TCF25: variants seen among roughly 807,000 people sequenced by gnomAD.
TCF25 encodes TCF25 ribosome quality control complex subunit.
A neutral mutation model predicts 83.1 loss-of-function variants in TCF25; 41 were observed. The observed-to-expected ratio is 0.49, with a 90% confidence interval of 0.38 to 0.64. The LOEUF is 0.64. Among genes scored for constraint, TCF25 ranks in the 30% least tolerant of loss-of-function variants. The pLI, the probability that TCF25 is intolerant of heterozygous loss-of-function variation, is 0.00. For synonymous variants in TCF25, 458 were observed against 365.0 expected (o/e 1.25, Z -2.90); for missense variants, 979 against 914.5 (o/e 1.07, Z -0.91).
Position 89,883,445 on chromosome 16 carries a change from G to C in TCF25, c.287G>C (p.Arg96Thr). The C allele has an allele frequency of 6.2e-7, 1 of 1,614,060 alleles. No individual in the cohort carries two copies. Among genetic ancestry groups the C allele is most frequent in the Non-Finnish European group, 8.5e-7 (1 of 1,180,016 alleles). The change falls in exon 2 of 18, where the codon AGG (arginine) becomes ACG (threonine). Residue 96 changes from arginine to threonine, a missense_variant. Coordinates refer to ENST00000263346, the MANE Select transcript of TCF25 (RefSeq NM_014972.3). ...GCTGTGGCACCAGGGAACAAAGGAA[G>C]GGGTCAGCGTGGAAACACAGAGAGC... is the stretch of plus-strand genomic sequence containing the variant. ...TDAVAPGNKG[R>T]GQRGNTESKT...
intron 1 of TCF25, among the ~76,000 whole-genome samples, chr16:89,881,105 C>T (rs902520372): frequency 1.3e-4 from 20 of 152,168 alleles, no homozygotes; most frequent in Non-Finnish European, 2.1e-4. Flanking sequence ...TCTCAGCGGG[C>T]GTTTAAGATG....
Position 89,904,517 on chromosome 16 carries a change from G to T in TCF25, c.1469+312G>T, listed in dbSNP as rs1597373495. 12 of 499,816 alleles carry T rather than the reference G, an allele frequency of 2.4e-5. No individual in the cohort carries two copies. In the East Asian group the frequency reaches 4.4e-4, roughly 18 times the overall value. 31.0% of individuals were successfully genotyped at this position (499,816 alleles called of 1,614,324 possible). Reference sequence around the variant, plus strand: ...CCGGCTTGTGCCTGGGAGGTCAAAGGTACAGTGAGCTGTGTTTGTGCTGCT... The same window carrying T: ...CCGGCTTGTGCCTGGGAGGTCAAAGTTACAGTGAGCTGTGTTTGTGCTGCT... On this transcript the variant is annotated intron_variant, in intron 13 of 17. Coordinates refer to ENST00000263346, the MANE Select transcript of TCF25 (RefSeq NM_014972.3).
chr16:89,910,635 G>T lies in TCF25; in HGVS notation c.1844G>T (p.Arg615Leu), dbSNP rs139941545. 3.1e-6 allele frequency: 5 copies of T among 1,613,584 alleles called. No individual in the cohort carries two copies. The change falls in exon 17 of 18, where the codon CGG becomes CTG. Residue 615 changes from arginine to leucine, a missense_variant. Physicochemically the swap from Arg to Leu is moderately radical, Grantham distance 102. Transcript: ENST00000263346. ...GGAAACACCATTGCTCTCTTCTTCC[G>T]GTCACTGTTGCCAAACTATACCATG... ...SHGNTIALFFRSLLPNYTMEG... is the reference protein window; with the variant it reads ...SHGNTIALFFLSLLPNYTMEG...
intron 11 of TCF25, among the ~76,000 whole-genome samples, chr16:89,899,248 G>A (rs1439437646): frequency 6.6e-6 from 1 of 152,182 alleles, no homozygotes; most frequent in Non-Finnish European, 1.5e-5. Context: ...GGTTGGTTGC[G>A]TGGGGCTGAC....
intron 12 of TCF25, 34 bp from the exon 13 acceptor site, chr16:89,904,084 G>C: frequency 6.3e-7 from 1 of 1,586,114 alleles, no homozygotes; most frequent in Non-Finnish European, 8.6e-7. Context: ...GGTGTGTGCT[G>C]AGGGCCCCCA....
At chr16:89,899,489 T>C (rs1316798705) in intron 11 of TCF25, among the ~76,000 whole-genome samples, 3 of 152,216 alleles carry the variant, frequency 2.0e-5, no homozygotes, top group Non-Finnish European at 4.4e-5. Context: ...CCCAGCACTT[T>C]GGGAGGCCGA....
chr16:89,893,624 A>G, intron 6 of TCF25, 104 bp from the exon 7 acceptor site: 1 of 1,567,810 alleles, frequency 6.4e-7, no homozygotes, highest in Non-Finnish European at 8.7e-7. Context: ...GTTTGTCGAT[A>G]TCGCAGAGGC....
intron 16 of TCF25, 143 bp downstream of exon 16, chr16:89,907,465 TCCTCCCACC>T (rs1567741666): frequency 0.17 from 7,145 of 41,256 alleles, 645 homozygotes; most frequent in East Asian, 0.38. Flanking sequence ...CCCACCTCCC[TCCTCCCACC>T]TCCCACCTCC....
At chr16:89,889,158 C>G in intron 5 of TCF25, 1 of 367,552 alleles carries the variant, frequency 2.7e-6, no homozygotes, top group South Asian at 2.1e-5. Flanking sequence ...CACCTCTGGA[C>G]TCTCCATCGA....
rs754110712 is a variant in TCF25 at position 89,893,822 on chromosome 16, G to T, written c.792G>T (p.Leu264=). The part of the protein sequence containing the change: ...EEYQQAQHKF[L]VAVESMEPNN... The stretch of plus-strand genomic sequence containing the variant: ...ACCAGCAGGCTCAGCACAAGTTCCT[G>T]GTGGCCGTGGAGTCTATGGAGCCGA... The change falls in exon 7 of 18, where the codon CTG becomes CTT. Residue 264 remains leucine (L), a synonymous_variant. Transcript: ENST00000263346. 2.5e-6 allele frequency: 4 copies of T among 1,611,328 alleles called. No individual in the cohort carries two copies. The highest frequency in any genetic ancestry group is 3.4e-6 in the Non-Finnish European group (4 of 1,178,890).
At chr16:89,886,097 A>AG (rs1395190264) in intron 4 of TCF25, 131 bp downstream of exon 4, 1 of 660,702 alleles carries the variant, frequency 1.5e-6, no homozygotes, top group Admixed American at 2.1e-5. Context: ...TCTCTAAAAA[A>AG]GGAAAAATAA....
Position 89,906,230 on chromosome 16 carries a change from C to G in TCF25, c.1665C>G (p.Ile555Met), listed in dbSNP as rs1309107949. 3 of 1,613,326 alleles carry G rather than the reference C, an allele frequency of 1.9e-6. No homozygotes were observed. Among genetic ancestry groups the G allele is most frequent in the African/African-American group, 2.7e-5 (2 of 74,942 alleles). Residue 555 changes from isoleucine to methionine, a missense_variant, in exon 15 of 18, where the codon ATC becomes ATG. By Grantham distance (10) the Ile-to-Met change is conservative (BLOSUM62 1). Transcript: ENST00000263346. Reference protein sequence around the residue: ...KVLYQRAPRNIHRHVILSEIK... With the variant: ...KVLYQRAPRNMHRHVILSEIK... ...TCTACCAGCGTGCACCCAGGAATAT[C>G]CACCGCCATGTGATCCTCTCTGAGA...
chr16:89,876,236 A>C (rs1042306401), intron 1 of TCF25, among the ~76,000 whole-genome samples: 1 of 152,148 alleles, frequency 6.6e-6, no homozygotes, highest in African/African-American at 2.4e-5. Flanking sequence ...GGCACACATC[A>C]GTCTTAATTT....
At chr16:89,894,358 G>GGACGGCCCCCGCGCAGCCCCAGACAGC (rs2043668837) in intron 7 of TCF25, among the ~76,000 whole-genome samples, 1 of 148,744 alleles carries the variant, frequency 6.7e-6, no homozygotes, top group African/African-American at 2.5e-5. Flanking sequence ...TCCCCTTGCA[G>GGACGGCCCCCGCGCAGCCCCAGACAGC]CCCCGGACGG....
Position 89,910,794 on chromosome 16 carries a change from G to T in TCF25, c.1872+131G>T, listed in dbSNP as rs575652705. ...CAGGGAGCAGGGAAGGACCAAGGCT[G>T]CATTGTGCCAGTGGGGTGCCCATTC... is the stretch of plus-strand genomic sequence containing the variant. On this transcript the variant is annotated intron_variant, in intron 17 of 17. Coordinates refer to ENST00000263346, the MANE Select transcript of TCF25 (RefSeq NM_014972.3). The T allele has an allele frequency of 3.6e-6, 4 of 1,119,854 alleles. No individual in the cohort carries two copies. The South Asian group carries it at 4.2e-5, about 12-fold the overall frequency. 69.4% of individuals were successfully genotyped at this position (1,119,854 alleles called of 1,614,324 possible).
At chr16:89,899,003 G>A (rs888645573) in intron 11 of TCF25, 131 bp downstream of exon 11, 17 of 857,626 alleles carry the variant, frequency 2.0e-5, no homozygotes, top group African/African-American at 8.3e-5. Context: ...GCAGAACCAC[G>A]TCCTCCTGCC....
chr16:89,876,785 CG>C (rs1478024160), intron 1 of TCF25, among the ~76,000 whole-genome samples: 5 of 151,710 alleles, frequency 3.3e-5, no homozygotes, highest in Admixed American at 1.3e-4. Context: ...AAAAATTAGC[CG>C]GGTGTGGCGG....
rs941461933 is a variant in TCF25 at position 89,906,110 on chromosome 16, G to A, written c.1629-84G>A. 12 of 1,177,508 alleles carry A rather than the reference G, an allele frequency of 1.0e-5. No individual in the cohort carries two copies. In the South Asian group the frequency reaches 1.5e-4, roughly 15 times the overall value. 72.9% of individuals were successfully genotyped at this position (1,177,508 alleles called of 1,614,324 possible). On this transcript the variant is annotated intron_variant, in intron 14 of 17. Transcript: ENST00000263346. ...TGCAGCGAGATGCCTCGTGCTGGGTGGGGGTGGGGGCCGAGGCTCCATGGC... is the reference window on the plus strand; with the variant it reads ...TGCAGCGAGATGCCTCGTGCTGGGTAGGGGTGGGGGCCGAGGCTCCATGGC...
At chr16:89,881,431 T>C (rs1441485832) in intron 1 of TCF25, among the ~76,000 whole-genome samples, 1 of 152,182 alleles carries the variant, frequency 6.6e-6, no homozygotes, top group Non-Finnish European at 1.5e-5. Flanking sequence ...TTGTTGATGC[T>C]GGTCTCTGTT....
Sources: allele counts gnomAD v4.1 joint callset (sites outside exome capture counted in the v4.1 genomes callset), GRCh38; gene constraint gnomAD v4.1.1; transcripts MANE v1.5; gene names NCBI Gene and HGNC (gene_info 2026-07-23, HGNC 2026-07-21).